The following PRH1 variants were observed in gnomAD, a reference collection of about 807,000 sequenced individuals.
PRH1 encodes the protein proline rich protein HaeIII subfamily 1.
Under a neutral mutation model 7.9 loss-of-function variants are expected in PRH1, and 7 were observed. The ratio of observed to expected loss-of-function variants is 0.89; its 90% CI spans 0.50 to 1.67. The LOEUF (loss-of-function observed/expected upper bound fraction) is 1.67, where lower values mean the gene tolerates loss of function less well. Among genes scored for constraint, PRH1 ranks in the 40% most tolerant of loss-of-function variants. The probability of loss-of-function intolerance (pLI) is 0.00; values close to 1 mark genes in which losing one functional copy is unlikely to be tolerated. For missense variants in PRH1, 109 were observed against 223.6 expected, an observed-to-expected ratio of 0.49 and a Z score of 3.27; for synonymous variants, 45 against 80.8, an observed-to-expected ratio of 0.56 and a Z score of 2.38.
chr12:10,986,575 T>C (rs768528326), intron 1 of PRH1: 2 of 1,613,988 alleles, frequency 1.2e-6, no homozygotes, highest in South Asian at 1.1e-5. Context: ...GCAAGCCACA[T>C]GCTGAAATGG....
At chr12:11,016,572 C>T (rs1285957117) in intron 1 of PRH1, among the ~76,000 whole-genome samples, 1 of 151,600 alleles carries the variant, frequency 6.6e-6, no homozygotes, top group Non-Finnish European at 1.5e-5. Flanking sequence ...AACTCTGGGC[C>T]TCAAGAGATA....
intron 1 of PRH1, among the ~76,000 whole-genome samples, chr12:11,138,974 A>G (rs1197733295): frequency 6.6e-6 from 1 of 152,190 alleles, no homozygotes; most frequent in Non-Finnish European, 1.5e-5. Context: ...CGGGTGGCAG[A>G]GGTTGCATTG....
intron 2 of PRH1, chr12:10,908,817 C>A: frequency 6.2e-7 from 1 of 1,613,836 alleles, no homozygotes; most frequent in Non-Finnish European, 8.5e-7. Flanking sequence ...AGTTGTGTTT[C>A]TTTCATATCG....
intron 1 of PRH1, among the ~76,000 whole-genome samples, chr12:11,019,304 T>A (rs373435254): frequency 7.3e-6 from 1 of 136,702 alleles, no homozygotes; most frequent in African/African-American, 2.8e-5. Flanking sequence ...AATTGTGAAG[T>A]GGCCACCAGC....
At chr12:11,115,386 C>T (rs887144973) in intron 1 of PRH1, among the ~76,000 whole-genome samples, 5 of 151,424 alleles carry the variant, frequency 3.3e-5, no homozygotes, top group Non-Finnish European at 5.9e-5. Flanking sequence ...CACTGGAGCA[C>T]CCAGATATAT....
At chr12:11,051,415 T>C (rs1027109454), upstream of PRH1, among the ~76,000 whole-genome samples, 1 of 152,204 alleles carries the variant, frequency 6.6e-6, no homozygotes. Flanking sequence ...TCATGGAACA[T>C]TTCTTCTGAT....
At chr12:11,149,145 T>A (rs1451799892) in intron 1 of PRH1, among the ~76,000 whole-genome samples, 1 of 152,080 alleles carries the variant, frequency 6.6e-6, no homozygotes, top group Non-Finnish European at 1.5e-5. Context: ...CCCTTTATTA[T>A]TTTTTATTGT....
chr12:10,908,960 A>C (rs554877730), intron 2 of PRH1: 2 of 1,613,634 alleles, frequency 1.2e-6, no homozygotes, highest in Non-Finnish European at 8.5e-7. Flanking sequence ...GGCTAGAGAA[A>C]CTCGCTATTT....
intron 1 of PRH1, among the ~76,000 whole-genome samples, chr12:11,065,005 C>A (rs1025898877): frequency 1.3e-5 from 2 of 151,930 alleles, no homozygotes; most frequent in African/African-American, 2.4e-5. Flanking sequence ...CCACTGAACT[C>A]CAGCCTGGAC....
chr12:10,964,212 T>G (rs1938391001), intron 2 of PRH1, among the ~76,000 whole-genome samples: 1 of 152,240 alleles, frequency 6.6e-6, no homozygotes, highest in South Asian at 2.1e-4. Flanking sequence ...ATTATGTTAT[T>G]GCCACTCTCT....
chr12:11,037,107 G>A (rs1251479171), intron 1 of PRH1, among the ~76,000 whole-genome samples: 1 of 152,010 alleles, frequency 6.6e-6, no homozygotes, highest in Middle Eastern at 3.4e-3. Context: ...TAAGAAACAC[G>A]ACCTCCAACA....
intron 1 of PRH1, chr12:11,021,619 C>T (rs1941632578): frequency 1.4e-6 from 2 of 1,460,604 alleles, no homozygotes; most frequent in African/African-American, 1.4e-5. Context: ...TGCTAGAAGA[C>T]CCACGATGCT....
chr12:11,063,052 T>C (rs1943679226), intron 1 of PRH1, among the ~76,000 whole-genome samples: 1 of 152,108 alleles, frequency 6.6e-6, no homozygotes, highest in Non-Finnish European at 1.5e-5. Context: ...TTAGTCCTAT[T>C]TTCCCACTCA....
exon 1 of PRH1, chr12:11,171,425 G>C: frequency 8.1e-7 from 1 of 1,232,036 alleles, no homozygotes; most frequent in Non-Finnish European, 1.0e-6. Flanking sequence ...CACCCACCTC[G>C]TACGGCGTCT....
At chr12:11,012,578 G>A (rs1337903369) in intron 1 of PRH1, among the ~76,000 whole-genome samples, 2 of 151,644 alleles carry the variant, frequency 1.3e-5, no homozygotes. Flanking sequence ...TTCCTTTTTT[G>A]TTTTGAGAAA....
intron 2 of PRH1, among the ~76,000 whole-genome samples, chr12:10,923,670 A>G (rs138552563): frequency 9.2e-5 from 14 of 152,334 alleles, no homozygotes; most frequent in Middle Eastern, 3.4e-3. Context: ...CCAACAAATG[A>G]TAGGATAATA....
chr12:11,144,903 C>G (rs1205322389), intron 1 of PRH1, among the ~76,000 whole-genome samples: 2 of 152,298 alleles, frequency 1.3e-5, no homozygotes, highest in South Asian at 2.1e-4. Flanking sequence ...GGAGGGTCTC[C>G]CTTTCCTACT....
At chr12:10,952,161 T>C (rs963265488) in intron 2 of PRH1, among the ~76,000 whole-genome samples, 1 of 152,232 alleles carries the variant, frequency 6.6e-6, no homozygotes, top group Non-Finnish European at 1.5e-5. Flanking sequence ...TGATCTTGTG[T>C]TACTTGATAC....
chr12:10,893,623 G>C (rs1949606496), intron 2 of PRH1, among the ~76,000 whole-genome samples: 1 of 152,120 alleles, frequency 6.6e-6, no homozygotes, highest in Admixed American at 6.6e-5. Context: ...CTATTCTCTG[G>C]ATATTTTAAT....
Sources: gnomAD v4.1 joint callset for allele counts (sites outside exome capture counted in the v4.1 genomes callset) on GRCh38, gnomAD v4.1.1 for gene constraint, MANE v1.5 for transcripts, NCBI Gene and HGNC (gene_info 2026-07-23, HGNC 2026-07-21) for gene names.